The following ATP6V1C1 variants were observed in gnomAD, a reference collection of about 807,000 sequenced individuals.
ATP6V1C1 encodes the protein V-type proton ATPase subunit C 1.
ATP6V1C1 carries 45 observed loss-of-function variants against 53.9 expected under a neutral mutation model. The ratio of observed to expected loss-of-function variants is 0.83; its 90% CI spans 0.66 to 1.07. ATP6V1C1 has a LOEUF of 1.07. ATP6V1C1 is among the 50% of genes least tolerant of loss of function. The pLI, the probability that ATP6V1C1 is intolerant of heterozygous loss-of-function variation, is 0.00. For missense variants in ATP6V1C1, 315 were observed against 440.3 expected (o/e 0.72, Z 2.55); for synonymous variants, 153 against 155.2 (o/e 0.99, Z 0.11).
Position 103,052,723 on chromosome 8 carries a change from T to C in ATP6V1C1, c.382-8T>C. On this transcript the variant is annotated splice_polypyrimidine_tract_variant and splice_region_variant and intron_variant, in intron 5 of 12. Transcript: ENST00000518738. ...TTTATCTATTTTTCTTCTTTTTCTT[T>C]TTCAAAGGGAGTAACTCAGATTGAT... The C allele has an allele frequency of 6.5e-7, 1 of 1,548,178 alleles. No individual in the cohort carries two copies. The highest frequency in any genetic ancestry group is 1.2e-5 in the South Asian group (1 of 81,878).
Position 103,068,688 on chromosome 8 carries a change from C to T in ATP6V1C1, c.1090C>T (p.Gln364Ter). 6.2e-7 allele frequency: 1 copy of T among 1,610,768 alleles called. No individual in the cohort carries two copies. Among genetic ancestry groups the T allele is most frequent in the South Asian group, 1.1e-5 (1 of 90,384 alleles). ...TATTCCAGGTTTAAACCTGAGTCAA[C>T]AAGAATACTACCCCTATGTGTACTA... Reference protein sequence around the residue: ...MDIPGLNLSQQEYYPYVYYKI... With the variant: ...MDIPGLNLSQ Residue 364 changes from glutamine to a stop codon, truncating the protein, a stop_gained, in exon 13 of 13, where the codon CAA (glutamine) becomes TAA (stop). Coordinates refer to ENST00000518738, the MANE Select transcript of ATP6V1C1 (RefSeq NM_001695.5). LOFTEE classifies it high-confidence loss of function.
rs149007549 is a variant in ATP6V1C1 at position 103,069,493 on chromosome 8, G to A, written c.*746G>A. The A allele has an allele frequency of 1.3e-5, 2 of 152,304 alleles. No homozygotes were observed. Among genetic ancestry groups the A allele is most frequent in the Admixed American group, 6.5e-5 (1 of 15,302 alleles). 9.4% of individuals were successfully genotyped at this position (152,304 alleles called of 1,614,324 possible). On this transcript the variant is annotated 3_prime_UTR_variant, in exon 13 of 13. Coordinates refer to ENST00000518738, the MANE Select transcript of ATP6V1C1 (RefSeq NM_001695.5). The stretch of plus-strand genomic sequence containing the variant: ...CAGTATATGATGGGTATTTACATTT[G>A]AACACTAGAATTTTAGGTCTCTCAA...
In ATP6V1C1 at chr8:103,045,664, G is replaced by A. The variant is rs184185824; in HGVS notation, c.201-3206G>A. On this transcript the variant is annotated intron_variant, in intron 3 of 12. Transcript: ENST00000518738. ...TTTTTAATTAAGAAAAAAATGGGCC[G>A]GGCATGGTGGCTCACGCCTGTAATC... is the stretch of plus-strand genomic sequence containing the variant. Among the ~76,000 whole-genome samples, 8 of 152,138 alleles carry A rather than the reference G, an allele frequency of 5.3e-5. No individual in the cohort carries two copies. In the South Asian group the frequency reaches 6.2e-4, roughly 12 times the overall value.
At position 103,040,926 on chromosome 8, in the gene ATP6V1C1, TAA is replaced by T; in HGVS notation, c.91_92del (p.Asn31SerfsTer11). 1 of 1,614,070 alleles carries T rather than the reference TAA, an allele frequency of 6.2e-7. No homozygotes were observed. Among genetic ancestry groups the T allele is most frequent in the Non-Finnish European group, 8.5e-7 (1 of 1,179,984 alleles). The part of the protein sequence containing the change: ...KLHAATSKNN[N>X]LAVTSKFNIP... ...TGCATGCGGCAACTTCAAAGAACAA[TAA>T]TCTTGCTGTCACTTCCAAGTTCAAT... On this transcript the variant is annotated frameshift_variant, in exon 2 of 13. Transcript: ENST00000518738. LOFTEE classifies it high-confidence loss of function.
At chr8:103,043,623 G>A (rs1225685925) in intron 3 of ATP6V1C1, among the ~76,000 whole-genome samples, 3 of 151,926 alleles carry the variant, frequency 2.0e-5, no homozygotes, top group Admixed American at 1.3e-4. Flanking sequence ...GAGCCACCGC[G>A]CCCGGCTGAT....
At chr8:103,057,777 C>T (rs1294173080) in intron 8 of ATP6V1C1, among the ~76,000 whole-genome samples, 6 of 151,992 alleles carry the variant, frequency 3.9e-5, no homozygotes, top group Non-Finnish European at 8.8e-5. Context: ...ACTGTATTTT[C>T]ACAAATGTTG....
intron 12 of ATP6V1C1, among the ~76,000 whole-genome samples, chr8:103,067,526 G>A (rs1817514422): frequency 6.8e-6 from 1 of 148,144 alleles, no homozygotes; most frequent in African/African-American, 2.5e-5. Flanking sequence ...GCATTAATTA[G>A]AACTATGAAA....
chr8:103,064,731 G>A lies in ATP6V1C1; in HGVS notation c.846G>A (p.Trp282Ter), dbSNP rs1433166247. ...TTTTATAGGGACCACTTGTACGGTG[G>A]CTGAAAGTGAATTTTAGTGAAGCAT... is the stretch of plus-strand genomic sequence containing the variant. The part of the protein sequence containing the change: ...KKKQFGPLVR[W>*]LKVNFSEAFI... The change falls in exon 11 of 13, where the codon TGG becomes TGA. Residue 282 changes from tryptophan to a stop codon, truncating the protein, a stop_gained. Coordinates refer to ENST00000518738, the MANE Select transcript of ATP6V1C1 (RefSeq NM_001695.5). LOFTEE classifies it high-confidence loss of function. 6.2e-7 allele frequency: 1 copy of A among 1,612,732 alleles called. No homozygotes were observed.
Position 103,064,795 on chromosome 8 carries a change from G to C in ATP6V1C1, c.910G>C (p.Val304Leu), listed in dbSNP as rs150964904. The change falls in exon 11 of 13, where the codon GTT (valine) becomes CTT (leucine). Residue 304 changes from valine (V) to leucine (L), a missense_variant. Coordinates refer to ENST00000518738, the MANE Select transcript of ATP6V1C1 (RefSeq NM_001695.5). ...TCACGTGAAAGCATTACGGGTTTTC[G>C]TTGAGTCTGTTTTAAGGTAAAGCAA... The part of the protein sequence containing the change: ...WIHVKALRVF[V>L]ESVLRYGLPV... 1 of 1,612,348 alleles carries C rather than the reference G, an allele frequency of 6.2e-7. No individual in the cohort carries two copies. The highest frequency in any genetic ancestry group is 1.3e-5 in the African/African-American group (1 of 74,836).
At chr8:103,064,852 A>G in intron 11 of ATP6V1C1, 41 bp downstream of exon 11, 7 of 1,569,784 alleles carry the variant, frequency 4.5e-6, no homozygotes, top group Middle Eastern at 1.7e-4. Flanking sequence ...TGAAGAGTTC[A>G]TAGATTCCTT....
rs901292776 is a variant in ATP6V1C1, at chr8:103,072,723, C to T, written c.*3976C>T. 2.6e-5 allele frequency: 4 copies of T among 152,044 alleles called. No individual in the cohort carries two copies. The highest frequency in any genetic ancestry group is 9.7e-5 in the African/African-American group (4 of 41,370). The allele number at this position is 152,044 out of a possible 1,614,324, so 9.4% of individuals were successfully genotyped here. ...CCATTTTATTCACCAGTGGATTTACCCTTAGAGTATTTTTAGATCTGAGCT... is the reference window on the plus strand; with the variant it reads ...CCATTTTATTCACCAGTGGATTTACTCTTAGAGTATTTTTAGATCTGAGCT... On this transcript the variant is annotated 3_prime_UTR_variant, in exon 13 of 13. Transcript: ENST00000518738.
intron 1 of ATP6V1C1, among the ~76,000 whole-genome samples, chr8:103,028,958 G>C (rs188141541): frequency 6.6e-6 from 1 of 152,226 alleles, no homozygotes; most frequent in Non-Finnish European, 1.5e-5. Flanking sequence ...TGAGGATACT[G>C]CCCTAATAAG....
chr8:103,038,548 C>T (rs1253081008), intron 1 of ATP6V1C1, among the ~76,000 whole-genome samples: 1 of 152,126 alleles, frequency 6.6e-6, no homozygotes, highest in African/African-American at 2.4e-5. Context: ...GAGATATGTA[C>T]ACATTGTTCA....
intron 1 of ATP6V1C1, among the ~76,000 whole-genome samples, chr8:103,023,026 C>T (rs774886701): frequency 2.6e-5 from 4 of 152,180 alleles, no homozygotes; most frequent in Non-Finnish European, 5.9e-5. Context: ...GCACTCCCTC[C>T]TGGGAAACAG....
chr8:103,060,123 A>G (rs1288647439), intron 8 of ATP6V1C1, among the ~76,000 whole-genome samples: 1 of 151,512 alleles, frequency 6.6e-6, no homozygotes, highest in Non-Finnish European at 1.5e-5. Flanking sequence ...ATGTGCCACC[A>G]CACTCAGCTG....
At chr8:103,038,512 C>T (rs1563602927) in intron 1 of ATP6V1C1, among the ~76,000 whole-genome samples, 1 of 152,152 alleles carries the variant, frequency 6.6e-6, no homozygotes, top group South Asian at 2.1e-4. Context: ...TTTTATCTAT[C>T]CCAGAAAAAA....
chr8:103,058,289 G>T (rs1306203335), intron 8 of ATP6V1C1, among the ~76,000 whole-genome samples: 1 of 152,182 alleles, frequency 6.6e-6, no homozygotes, highest in African/African-American at 2.4e-5. Flanking sequence ...TCCTTGCTCA[G>T]TGAAAACATC....
At chr8:103,042,165 T>C (rs1817012335) in intron 2 of ATP6V1C1, among the ~76,000 whole-genome samples, 175 bp from the exon 3 acceptor site, 1 of 152,222 alleles carries the variant, frequency 6.6e-6, no homozygotes, top group Admixed American at 6.5e-5. Flanking sequence ...AGGATTATCT[T>C]GTACATATAA....
chr8:103,034,784 A>G (rs747760612), intron 1 of ATP6V1C1, among the ~76,000 whole-genome samples: 1 of 151,894 alleles, frequency 6.6e-6, no homozygotes, highest in African/African-American at 2.4e-5. Context: ...TTGGGCAGGC[A>G]GGTCTTGAAC....
Sources: gnomAD v4.1 joint callset for allele counts (sites outside exome capture counted in the v4.1 genomes callset) on GRCh38, gnomAD v4.1.1 for gene constraint, MANE v1.5 for transcripts, NCBI Gene and HGNC (gene_info 2026-07-23, HGNC 2026-07-21) for gene names.